The following KCNMA1 variants were observed in gnomAD, a reference collection of about 807,000 sequenced individuals.
KCNMA1 encodes potassium calcium-activated channel subfamily M alpha 1, also known as Calcium-activated potassium channel subunit alpha-1.
Under a neutral mutation model 140.0 loss-of-function variants are expected in KCNMA1, and 29 were observed. The ratio of observed to expected loss-of-function variants is 0.21; its 90% CI spans 0.15 to 0.28. The LOEUF (loss-of-function observed/expected upper bound fraction) is 0.28, where lower values mean the gene tolerates loss of function less well. KCNMA1 is among the 10% of genes least tolerant of loss of function. The probability of loss-of-function intolerance (pLI) is 1.00; values close to 1 mark genes in which losing one functional copy is unlikely to be tolerated. For synonymous variants in KCNMA1, 612 were observed against 611.9 expected (o/e 1.00, Z 0.00); for missense variants, 880 against 1,602.2 (o/e 0.55, Z 7.70).
intron 2 of KCNMA1, among the ~76,000 whole-genome samples, chr10:77,340,843 C>T (rs1246229406): frequency 6.7e-6 from 1 of 150,270 alleles, no homozygotes; most frequent in Non-Finnish European, 1.5e-5. Context: ...CACATGTACC[C>T]TAGAACTTAA....
Position 77,472,815 on chromosome 10 carries a change from C to T in KCNMA1, c.379-68792G>A, listed in dbSNP as rs563501449. On this transcript the variant is annotated intron_variant, in intron 1 of 27. Transcript: ENST00000286628. ...TTCATAGGCATCAGTCCGTTCCACC[C>T]TTCAAACAACAAAGGAGGCAGGTGG... is the stretch of plus-strand genomic sequence containing the variant. 3.3e-5 allele frequency among the ~76,000 whole-genome samples: 5 copies of T among 152,344 alleles called. No homozygotes were observed. The South Asian group carries it at 1.0e-3, about 32-fold the overall frequency.
intron 1 of KCNMA1, among the ~76,000 whole-genome samples, chr10:77,490,824 T>C (rs1204553420): frequency 6.6e-6 from 1 of 152,104 alleles, no homozygotes; most frequent in African/African-American, 2.4e-5. Flanking sequence ...AGGACCGAAA[T>C]CTCTAGGACC....
chr10:77,405,824 C>A (rs569279960), intron 1 of KCNMA1, among the ~76,000 whole-genome samples: 1 of 152,010 alleles, frequency 6.6e-6, no homozygotes, highest in Non-Finnish European at 1.5e-5. Context: ...ACAAAGGGGG[C>A]GGGGCAGAGG....
chr10:76,873,965 G>A (rs1046250646), downstream of KCNMA1: 10 of 152,112 alleles, frequency 6.6e-5, no homozygotes, highest in African/African-American at 2.2e-4. Flanking sequence ...TGGGGAAAAT[G>A]GCAGGAATTT....
chr10:76,923,834 C>G (rs1348249093), intron 23 of KCNMA1, among the ~76,000 whole-genome samples: 1 of 151,938 alleles, frequency 6.6e-6, no homozygotes, highest in Non-Finnish European at 1.5e-5. Context: ...AACAAACAAA[C>G]AAACAAACAA....
chr10:77,475,994 A>G (rs2098269522), intron 1 of KCNMA1, among the ~76,000 whole-genome samples: 2 of 152,028 alleles, frequency 1.3e-5, no homozygotes, highest in South Asian at 4.2e-4. Context: ...CACAACCACA[A>G]AGAGAAGGGT....
intron 2 of KCNMA1, among the ~76,000 whole-genome samples, chr10:77,341,843 TTG>T (rs2091006776): frequency 2.0e-5 from 3 of 152,340 alleles, no homozygotes; most frequent in African/African-American, 7.2e-5. Context: ...CCAGGATTCC[TTG>T]GCAGAACTTG....
exon 28 of KCNMA1, chr10:76,871,828 T>C (rs989544359): frequency 2.0e-5 from 3 of 152,358 alleles, no homozygotes; most frequent in East Asian, 1.9e-4. Flanking sequence ...TCCTACCATA[T>C]TGAATGTGAA....
At position 76,885,901 on chromosome 10, in the gene KCNMA1, A is replaced by T. The variant is rs1251878306; in HGVS notation, c.*1365T>A. The T allele has an allele frequency of 6.1e-6, 6 of 985,172 alleles. No homozygotes were observed. The highest frequency in any genetic ancestry group is 7.2e-6 in the Non-Finnish European group (6 of 829,902). The allele number at this position is 985,172 out of a possible 1,614,324, so 61.0% of individuals were successfully genotyped here. A position where few individuals can be genotyped will look rare whatever the true frequency, so the allele number is the denominator to read the frequency against. On this transcript the variant is annotated 3_prime_UTR_variant, in exon 28 of 28. Coordinates refer to ENST00000286628, the MANE Select transcript of KCNMA1 (RefSeq NM_001161352.2). Reference sequence around the variant, plus strand: ...CAAAATGTGTTTGGCTCACTGTTGCACTCTTCTTATCCCACGTCTCATAAT... The same window carrying T: ...CAAAATGTGTTTGGCTCACTGTTGCTCTCTTCTTATCCCACGTCTCATAAT...
intron 1 of KCNMA1, among the ~76,000 whole-genome samples, chr10:77,525,072 C>T (rs2154551683): frequency 6.6e-6 from 1 of 152,286 alleles, no homozygotes; most frequent in Middle Eastern, 3.4e-3. Flanking sequence ...TTTCTTTGGA[C>T]AATTTTATCT....
chr10:77,497,667 C>T (rs1257683541), intron 1 of KCNMA1, among the ~76,000 whole-genome samples: 1 of 152,234 alleles, frequency 6.6e-6, no homozygotes, highest in Non-Finnish European at 1.5e-5. Context: ...ATCACCAGGA[C>T]AGATGCTATC....
At chr10:77,159,457 A>G (rs1437289570) in intron 5 of KCNMA1, among the ~76,000 whole-genome samples, 1 of 152,002 alleles carries the variant, frequency 6.6e-6, no homozygotes, top group African/African-American at 2.4e-5. Flanking sequence ...GAGCCACACC[A>G]TTTTGGCCCA....
chr10:77,559,549 C>T (rs747501651), intron 1 of KCNMA1, among the ~76,000 whole-genome samples: 12 of 152,250 alleles, frequency 7.9e-5, no homozygotes, highest in Non-Finnish European at 1.6e-4. Context: ...CACCAGCTGT[C>T]CTCCACTGGG....
intron 1 of KCNMA1, among the ~76,000 whole-genome samples, chr10:77,442,369 T>C (rs1406012813): frequency 6.6e-6 from 1 of 151,732 alleles, no homozygotes; most frequent in East Asian, 1.9e-4. Context: ...CACCTCCCCA[T>C]CTAGGATGGG....
rs2036387489 is a variant in KCNMA1, at chr10:76,885,294, A to C, written c.*1972T>G. ...TAAAGAGATAGTTATACATAATATA[A>C]ATCAATATATAGAGGGACAAAAATA... On this transcript the variant is annotated 3_prime_UTR_variant, in exon 28 of 28. Transcript: ENST00000286628. 2.6e-6 allele frequency: 2 copies of C among 757,880 alleles called. No individual in the cohort carries two copies. The highest frequency in any genetic ancestry group is 3.2e-6 in the Non-Finnish European group (2 of 624,194). The allele number at this position is 757,880 out of a possible 1,614,324, so 46.9% of individuals were successfully genotyped here.
chr10:77,171,874 G>A (rs1411736445), intron 5 of KCNMA1, among the ~76,000 whole-genome samples: 1 of 152,152 alleles, frequency 6.6e-6, no homozygotes, highest in Non-Finnish European at 1.5e-5. Flanking sequence ...TTTGGGCTGG[G>A]ATGGCCAACT....
At chr10:77,310,223 T>A (rs1160344538) in intron 2 of KCNMA1, among the ~76,000 whole-genome samples, 5 of 152,286 alleles carry the variant, frequency 3.3e-5, no homozygotes, top group South Asian at 4.1e-4. Context: ...ATTGAAACCT[T>A]TTGTACCGGC....
At chr10:77,050,580 C>T (rs1234268042) in intron 14 of KCNMA1, among the ~76,000 whole-genome samples, 1 of 152,192 alleles carries the variant, frequency 6.6e-6, no homozygotes, top group Non-Finnish European at 1.5e-5. Flanking sequence ...ACGTATGTCA[C>T]CCAAGTGTCT....
intron 25 of KCNMA1, chr10:76,901,172 C>G (rs1173691863): frequency 6.6e-6 from 1 of 152,028 alleles, no homozygotes; most frequent in Non-Finnish European, 1.5e-5. Context: ...AATAACCAAC[C>G]TATAAAATGA....
Sources: gnomAD v4.1 joint callset for allele counts (sites outside exome capture counted in the v4.1 genomes callset) on GRCh38, gnomAD v4.1.1 for gene constraint, MANE v1.5 for transcripts, NCBI Gene and HGNC (gene_info 2026-07-23, HGNC 2026-07-21) for gene names.